Variants in GRM5 observed in about 807,000 individuals in gnomAD.
The protein encoded by GRM5 is metabotropic glutamate receptor 5.
GRM5 carries 19 observed loss-of-function variants against 83.1 expected under a neutral mutation model. That is an observed-to-expected ratio of 0.23 (90% CI 0.16 to 0.34). The LOEUF is 0.34. Ranked by LOEUF, GRM5 falls within the 10% of genes least tolerant of loss-of-function variation. GRM5 has a pLI of 1.00. For synonymous variants in GRM5, 675 were observed against 633.6 expected (o/e 1.07, Z -0.98); for missense variants, 1,160 against 1,588.3 (o/e 0.73, Z 4.58).
chr11:88,582,751 T>G (rs7130370), intron 7 of GRM5, among the ~76,000 whole-genome samples: 6,911 of 152,276 alleles, frequency 0.045, 516 homozygotes, highest in African/African-American at 0.15. Flanking sequence ...TAACACATTT[T>G]AAGCACATTT....
chr11:88,776,691 C>T (rs1942858915), intron 3 of GRM5, among the ~76,000 whole-genome samples: 1 of 152,156 alleles, frequency 6.6e-6, no homozygotes, highest in African/African-American at 2.4e-5. Flanking sequence ...TTCTCCTTCA[C>T]TTATGAAGCT....
At chr11:88,657,903 A>G in intron 3 of GRM5, among the ~76,000 whole-genome samples, 1 of 152,210 alleles carries the variant, frequency 6.6e-6, no homozygotes, top group East Asian at 1.9e-4. Context: ...CAGATGGCCT[A>G]TAACTCTGTT....
intron 4 of GRM5, among the ~76,000 whole-genome samples, chr11:88,622,298 A>G (rs1938660715): frequency 6.6e-6 from 1 of 152,230 alleles, no homozygotes; most frequent in East Asian, 1.9e-4. Context: ...ATGAGATCCA[A>G]GAGTTAGAAT....
intron 3 of GRM5, among the ~76,000 whole-genome samples, chr11:88,797,040 C>A (rs569791534): frequency 6.6e-6 from 1 of 151,976 alleles, no homozygotes; most frequent in South Asian, 2.1e-4. Flanking sequence ...TTAATGTATA[C>A]AAAATTAGTT....
In GRM5 at chr11:88,800,901, G is replaced by A. The variant is rs560776482; in HGVS notation, c.911+49005C>T. The stretch of plus-strand genomic sequence containing the variant: ...TAGCAAATTATTACGTGAATGGAAG[G>A]AATATGTGTGGGGGGCTTTTAAACA... On this transcript the variant is annotated intron_variant, in intron 3 of 9. Transcript: ENST00000305447. 1.6e-4 allele frequency among the ~76,000 whole-genome samples: 24 copies of A among 152,236 alleles called. No homozygotes were observed. The East Asian group carries it at 4.6e-3, about 29-fold the overall frequency.
intron 3 of GRM5, among the ~76,000 whole-genome samples, chr11:88,659,332 CT>C (rs1254108485): frequency 1.3e-5 from 2 of 152,118 alleles, no homozygotes; most frequent in African/African-American, 4.8e-5. Context: ...TCTCACATTT[CT>C]TTTTCTCCTG....
chr11:88,978,303 T>C (rs1440941498), intron 2 of GRM5, among the ~76,000 whole-genome samples: 1 of 151,800 alleles, frequency 6.6e-6, no homozygotes, highest in African/African-American at 2.4e-5. Flanking sequence ...ATGGCATTGG[T>C]TGTGCTGATG....
At chr11:89,046,705 C>G (rs1267118348) in intron 2 of GRM5, among the ~76,000 whole-genome samples, 1 of 152,138 alleles carries the variant, frequency 6.6e-6, no homozygotes, top group African/African-American at 2.4e-5. Context: ...ATGAATTCTT[C>G]TGAAAAAATA....
At chr11:88,845,734 C>G (rs528898014) in intron 3 of GRM5, among the ~76,000 whole-genome samples, 13 of 148,128 alleles carry the variant, frequency 8.8e-5, no homozygotes, top group Admixed American at 2.7e-4. Context: ...CGCCCCCCCC[C>G]ACTTTTTATA....
chr11:88,695,871 C>T (rs188225018), intron 3 of GRM5, among the ~76,000 whole-genome samples: 4 of 152,234 alleles, frequency 2.6e-5, no homozygotes, highest in Admixed American at 1.3e-4. Flanking sequence ...ACCCCATCGG[C>T]GTTGTCCAGG....
intron 3 of GRM5, among the ~76,000 whole-genome samples, chr11:88,677,972 AT>A (rs1387754930): frequency 1.3e-5 from 2 of 152,130 alleles, no homozygotes; most frequent in African/African-American, 2.4e-5. Context: ...AATAGATAGT[AT>A]TGAAAATTGA....
At chr11:88,708,150 T>G (rs1941202451) in intron 3 of GRM5, among the ~76,000 whole-genome samples, 3 of 152,054 alleles carry the variant, frequency 2.0e-5, no homozygotes, top group South Asian at 4.1e-4. Flanking sequence ...AGCCTAAAAA[T>G]AAATATGATG....
intron 7 of GRM5, among the ~76,000 whole-genome samples, chr11:88,576,302 C>T (rs1591359828): frequency 6.6e-6 from 1 of 152,136 alleles, no homozygotes; most frequent in South Asian, 2.1e-4. Flanking sequence ...AAATGGCTCC[C>T]TGGGCCTGTA....
chr11:88,721,472 A>T (rs994364811), intron 3 of GRM5, among the ~76,000 whole-genome samples: 2 of 152,282 alleles, frequency 1.3e-5, no homozygotes, highest in Admixed American at 6.6e-5. Flanking sequence ...ATGTTTACCA[A>T]GTATCTGGTG....
intron 4 of GRM5, among the ~76,000 whole-genome samples, chr11:88,606,160 G>A (rs897701542): frequency 2.0e-5 from 3 of 152,134 alleles, no homozygotes. Context: ...AGCACAGAGA[G>A]TAGGAGGTAG....
chr11:88,885,739 T>C (rs1945034329), intron 2 of GRM5, among the ~76,000 whole-genome samples: 1 of 151,858 alleles, frequency 6.6e-6, no homozygotes, highest in Non-Finnish European at 1.5e-5. Context: ...ATAGCAAGGG[T>C]TTGGGAATCC....
intron 3 of GRM5, among the ~76,000 whole-genome samples, chr11:88,804,544 C>T (rs532153776): frequency 1.3e-3 from 204 of 151,532 alleles, no homozygotes; most frequent in Middle Eastern, 6.8e-3. Flanking sequence ...TGTGGGGTGG[C>T]GGGAGCGGGG....
intron 8 of GRM5, among the ~76,000 whole-genome samples, chr11:88,529,413 A>G (rs999966655): frequency 4.6e-5 from 7 of 151,652 alleles, no homozygotes; most frequent in African/African-American, 1.7e-4. Context: ...TTGAGCAGAC[A>G]TGCACCGTGA....
intron 3 of GRM5, among the ~76,000 whole-genome samples, chr11:88,658,686 T>G (rs1199720774): frequency 6.6e-6 from 1 of 152,160 alleles, no homozygotes; most frequent in African/African-American, 2.4e-5. Context: ...AGAGTTGAAC[T>G]AAGTTTGAAA....
Sources: gnomAD v4.1 joint callset for allele counts (sites outside exome capture counted in the v4.1 genomes callset) on GRCh38, gnomAD v4.1.1 for gene constraint, MANE v1.5 for transcripts, NCBI Gene and HGNC (gene_info 2026-07-23, HGNC 2026-07-21) for gene names.